KCTD8: variants seen among roughly 807,000 people sequenced by gnomAD.
The protein encoded by KCTD8 is potassium channel tetramerization domain containing 8, also known as BTB/POZ domain-containing protein KCTD8.
In KCTD8, 27 loss-of-function variants were observed where a neutral mutation model predicts 31.5. The observed-to-expected ratio is 0.86, with a 90% CI of 0.63 to 1.18. The LOEUF (loss-of-function observed/expected upper bound fraction) is 1.18, where lower values mean the gene tolerates loss of function less well. Ranked by LOEUF, KCTD8 falls within the 50% of genes most tolerant of loss-of-function variation. The pLI is 0.00. For synonymous variants in KCTD8, 290 were observed against 280.0 expected (o/e 1.04, Z -0.36); for missense variants, 658 against 647.7 (o/e 1.02, Z -0.17).
chr4:44,409,086 A>T (rs1473752220), intron 1 of KCTD8, among the ~76,000 whole-genome samples: 3 of 151,814 alleles, frequency 2.0e-5, no homozygotes, highest in Non-Finnish European at 4.4e-5. Context: ...CTACAAAAAA[A>T]TCCAAAATTA....
At chr4:44,329,235 T>C (rs1718531937) in intron 1 of KCTD8, among the ~76,000 whole-genome samples, 1 of 151,566 alleles carries the variant, frequency 6.6e-6, no homozygotes, top group Non-Finnish European at 1.5e-5. Context: ...ATTTAAAACA[T>C]GCTGAGATAT....
At chr4:44,314,783 ATGGT>A (rs1252316275) in intron 1 of KCTD8, among the ~76,000 whole-genome samples, 1 of 151,648 alleles carries the variant, frequency 6.6e-6, no homozygotes, top group Non-Finnish European at 1.5e-5. Context: ...ATTATTTTTA[ATGGT>A]TGGATGATAT....
chr4:44,192,347 A>C (rs1713788623), intron 1 of KCTD8, among the ~76,000 whole-genome samples: 1 of 152,040 alleles, frequency 6.6e-6, no homozygotes, highest in African/African-American at 2.4e-5. Flanking sequence ...CACATTCTTT[A>C]AGGCTAGGAT....
chr4:44,202,701 T>G (rs550199666), intron 1 of KCTD8, among the ~76,000 whole-genome samples: 2 of 152,186 alleles, frequency 1.3e-5, no homozygotes, highest in East Asian at 3.9e-4. Flanking sequence ...GGTGATAGGA[T>G]CACCTGTACT....
At chr4:44,378,358 T>G (rs1266098894) in intron 1 of KCTD8, among the ~76,000 whole-genome samples, 1 of 150,930 alleles carries the variant, frequency 6.6e-6, no homozygotes, top group Non-Finnish European at 1.5e-5. Context: ...ATACCTAATG[T>G]AAATGACAAA....
At chr4:44,346,683 C>T (rs1024196429) in intron 1 of KCTD8, among the ~76,000 whole-genome samples, 1 of 152,170 alleles carries the variant, frequency 6.6e-6, no homozygotes, top group Non-Finnish European at 1.5e-5. Context: ...GATGACAGCA[C>T]TAGTACAAAG....
Position 44,372,701 on chromosome 4 carries a change from T to C in KCTD8, c.961+74862A>G, listed in dbSNP as rs145347279. 5.7e-3 allele frequency among the ~76,000 whole-genome samples: 872 copies of C among 152,262 alleles called. 10 individuals carry two copies. The highest frequency in any genetic ancestry group is 0.02 in the African/African-American group (811 of 41,546). On this transcript the variant is annotated intron_variant, in intron 1 of 1. Coordinates refer to ENST00000360029, the MANE Select transcript of KCTD8 (RefSeq NM_198353.3). ...ACTTCACTCTTTCAGAAAAGAAAGGTCTTAAAGCTGATAATAAGATGTCTT... is the reference window on the plus strand; with the variant it reads ...ACTTCACTCTTTCAGAAAAGAAAGGCCTTAAAGCTGATAATAAGATGTCTT...
At chr4:44,304,501 A>T (rs1194889534) in intron 1 of KCTD8, among the ~76,000 whole-genome samples, 1 of 152,170 alleles carries the variant, frequency 6.6e-6, no homozygotes, top group Admixed American at 6.5e-5. Flanking sequence ...CTTATTCAGT[A>T]GTTTCACATA....
chr4:44,279,602 G>A (rs980505097), intron 1 of KCTD8, among the ~76,000 whole-genome samples: 25 of 151,994 alleles, frequency 1.6e-4, no homozygotes, highest in Non-Finnish European at 5.9e-5. Context: ...AAATTCCCTT[G>A]TTCCCACATA....
intron 1 of KCTD8, among the ~76,000 whole-genome samples, chr4:44,255,844 A>T (rs915970335): frequency 3.3e-5 from 5 of 152,008 alleles, no homozygotes; most frequent in Admixed American, 3.3e-4. Flanking sequence ...AATATATCTT[A>T]AACAGGACAC....
chr4:44,322,378 G>T (rs1718318890), intron 1 of KCTD8, among the ~76,000 whole-genome samples: 2 of 151,610 alleles, frequency 1.3e-5, no homozygotes, highest in Admixed American at 1.3e-4. Flanking sequence ...ATACACTATT[G>T]GCCATTTGTA....
At chr4:44,257,433 G>T (rs1426873530) in intron 1 of KCTD8, among the ~76,000 whole-genome samples, 1 of 151,940 alleles carries the variant, frequency 6.6e-6, no homozygotes, top group Non-Finnish European at 1.5e-5. Context: ...AGGCCCAAGG[G>T]CCTAGCCAAA....
intron 1 of KCTD8, among the ~76,000 whole-genome samples, chr4:44,209,535 A>G (rs1046815150): frequency 2.0e-5 from 3 of 151,386 alleles, no homozygotes; most frequent in African/African-American, 7.3e-5. Context: ...CACACACCCC[A>G]CACACACCCC....
rs2109490716 is a variant in KCTD8 at position 44,448,314 on chromosome 4, C to T, written c.210G>A (p.Leu70=). 1.2e-6 allele frequency: 2 copies of T among 1,605,200 alleles called. No homozygotes were observed. Among genetic ancestry groups the T allele is most frequent in the Non-Finnish European group, 1.7e-6 (2 of 1,176,712 alleles). ...STLLSVPDST[L]ASMFSPSSPR... ...GACTAGAGGGCGAGAACATGCTGGC[C>T]AAAGTACTGTCCGGGACGCTGAGCA... is the stretch of plus-strand genomic sequence containing the variant. The change falls in exon 1 of 2, where the codon TTG becomes TTA. Residue 70 remains leucine (L), a synonymous_variant. Transcript: ENST00000360029. The surrounding 1 kb of genome is among the most constrained non-coding windows in gnomAD (Gnocchi z 4.1).
At position 44,174,814 on chromosome 4, in the gene KCTD8, T is replaced by A; in HGVS notation, c.1398A>T (p.Glu466Asp). Residue 466 changes from glutamate (E) to aspartate (D), a missense_variant, in exon 2 of 2, where the codon GAA (glutamate) becomes GAT (aspartate). By Grantham distance (45) the Glu-to-Asp change is conservative (BLOSUM62 2). Transcript: ENST00000360029. ...ACTATAACCCATACTTCTGCAACAG[T>A]TCAGATTGCCATTGGCGTTTGCGCT... ...FPERKRQWQS[E>D]LLQKYGL 1 of 1,610,622 alleles carries A rather than the reference T, an allele frequency of 6.2e-7. No individual in the cohort carries two copies. Among genetic ancestry groups the A allele is most frequent in the Admixed American group, 1.7e-5 (1 of 59,644 alleles).
At chr4:44,276,194 T>C (rs967660047) in intron 1 of KCTD8, among the ~76,000 whole-genome samples, 1 of 152,012 alleles carries the variant, frequency 6.6e-6, no homozygotes, top group Non-Finnish European at 1.5e-5. Context: ...TCCCCATGTA[T>C]GGATTATTCT....
At chr4:44,308,625 T>C (rs1717870939) in intron 1 of KCTD8, among the ~76,000 whole-genome samples, 1 of 152,112 alleles carries the variant, frequency 6.6e-6, no homozygotes, top group African/African-American at 2.4e-5. Flanking sequence ...GATGTACTAT[T>C]AAATGAGAGT....
intron 1 of KCTD8, among the ~76,000 whole-genome samples, chr4:44,228,559 C>T (rs937296893): frequency 4.6e-5 from 7 of 152,240 alleles, no homozygotes; most frequent in African/African-American, 1.7e-4. Flanking sequence ...TTTCCTGCTT[C>T]AGTGAATTCA....
At chr4:44,185,046 A>T (rs990383284) in intron 1 of KCTD8, among the ~76,000 whole-genome samples, 1 of 152,246 alleles carries the variant, frequency 6.6e-6, no homozygotes, top group Admixed American at 6.5e-5. Context: ...TGAGAAAAGA[A>T]GTGCCACAGA....
Sources: gnomAD v4.1 joint callset for allele counts (sites outside exome capture counted in the v4.1 genomes callset) on GRCh38, gnomAD v4.1.1 for gene constraint, Gnocchi (gnomAD v3.1) non-coding constraint, MANE v1.5 for transcripts, NCBI Gene and HGNC (gene_info 2026-07-23, HGNC 2026-07-21) for gene names.